KCNA6: variants seen among roughly 807,000 people sequenced by gnomAD.
KCNA6 encodes potassium voltage-gated channel subfamily A member 6.
A neutral mutation model predicts 29.5 loss-of-function variants in KCNA6; 17 were observed. The observed-to-expected ratio is 0.58, with a 90% CI of 0.39 to 0.86. KCNA6 has a LOEUF of 0.86. Ranked by LOEUF, KCNA6 falls within the 40% of genes least tolerant of loss-of-function variation. The probability of loss-of-function intolerance (pLI) is 0.00; values close to 1 mark genes in which losing one functional copy is unlikely to be tolerated. For missense variants in KCNA6, 450 were observed against 703.4 expected (o/e 0.64, Z 4.07); for synonymous variants, 296 against 304.7 (o/e 0.97, Z 0.30).
the KCNA6 span, among the ~76,000 whole-genome samples, chr12:4,819,813 G>A: frequency 1.3e-5 from 2 of 152,198 alleles, no homozygotes; most frequent in Non-Finnish European, 2.9e-5. Context: ...TTTATTAGCT[G>A]TACCTCATTT....
At chr12:4,828,215 C>T in the KCNA6 span, among the ~76,000 whole-genome samples, 2 of 152,060 alleles carry the variant, frequency 1.3e-5, no homozygotes, top group East Asian at 1.9e-4. Context: ...TAGAGACACT[C>T]AGTGTTGGAA....
At chr12:4,821,756 G>A in the KCNA6 span, among the ~76,000 whole-genome samples, 3 of 152,144 alleles carry the variant, frequency 2.0e-5, no homozygotes, top group African/African-American at 7.2e-5. Context: ...GAGGGACAGC[G>A]GCCCCCTGCA....
the KCNA6 span, chr12:4,850,774 A>G: frequency 2.6e-5 from 12 of 453,890 alleles, no homozygotes; most frequent in South Asian, 1.7e-4. The surrounding 1 kb of genome is among the most constrained non-coding windows in gnomAD (Gnocchi z 5.4). Flanking sequence ...AAGGACATCT[A>G]TGCATAGAAT....
Position 4,811,911 on chromosome 12 carries a change from G to A in KCNA6, c.*280G>A. On this transcript the variant is annotated 3_prime_UTR_variant, in exon 1 of 1. Coordinates refer to ENST00000280684, the Ensembl canonical transcript of KCNA6. The surrounding 1 kb of genome is among the most constrained non-coding windows in gnomAD (Gnocchi z 7.1). ...ATGAATGAGATATACATTTATGTCT[G>A]ACCTTCCCTCAAGACTGATTTTTCA... 2.4e-6 allele frequency: 1 copy of A among 420,404 alleles called. No individual in the cohort carries two copies. The highest frequency in any genetic ancestry group is 4.4e-5 in the South Asian group (1 of 22,930). 26.0% of individuals were successfully genotyped at this position (420,404 alleles called of 1,614,324 possible). A position where few individuals can be genotyped will look rare whatever the true frequency, so the allele number is the denominator to read the frequency against.
At chr12:4,814,751 G>A (rs1407833757), downstream of KCNA6, 1 of 167,130 alleles carries the variant, frequency 6.0e-6, no homozygotes, top group Non-Finnish European at 1.5e-5. This position sits in a 1 kb window ranked among gnomAD's most constrained non-coding sequence, Gnocchi z 4.6. Context: ...CCCAAGGAGC[G>A]AGGAGGGACA....
chr12:4,843,266 C>T, the KCNA6 span, among the ~76,000 whole-genome samples: 3 of 151,786 alleles, frequency 2.0e-5, no homozygotes, highest in South Asian at 2.1e-4. Flanking sequence ...CTGCAAGCTC[C>T]GCCTCCCGGG....
the KCNA6 span, among the ~76,000 whole-genome samples, chr12:4,829,764 G>C: frequency 0.14 from 21,458 of 151,870 alleles, 1,632 homozygotes; most frequent in Non-Finnish European, 0.17. Context: ...TCCAGCCCAA[G>C]AAGTTCTGCT....
At chr12:4,827,818 T>G in the KCNA6 span, among the ~76,000 whole-genome samples, 3 of 152,338 alleles carry the variant, frequency 2.0e-5, no homozygotes, top group Non-Finnish European at 2.9e-5. Context: ...TTCATCATTC[T>G]CATCCCTCTC....
At chr12:4,840,197 ATC>A in the KCNA6 span, among the ~76,000 whole-genome samples, 1 of 688 alleles carries the variant, frequency 1.5e-3, no homozygotes, top group Admixed American at 0.019. Context: ...GATGATTATT[ATC>A]TATCTATCTA....
chr12:4,845,816 C>G, the KCNA6 span, among the ~76,000 whole-genome samples: 1 of 151,998 alleles, frequency 6.6e-6, no homozygotes, highest in East Asian at 1.9e-4. Flanking sequence ...CTTATAACAA[C>G]AGTAACAATC....
the KCNA6 span, chr12:4,839,017 C>T: frequency 3.3e-5 from 5 of 152,192 alleles, no homozygotes; most frequent in Non-Finnish European, 5.9e-5. Context: ...AAGATATTCT[C>T]CTGCTCTGAC....
downstream of KCNA6, among the ~76,000 whole-genome samples, chr12:4,817,192 T>A (rs1327863119): frequency 6.6e-6 from 1 of 152,214 alleles, no homozygotes; most frequent in Non-Finnish European, 1.5e-5. Context: ...AGGAAAAGAA[T>A]TCCATTTACT....
chr12:4,810,902 C>A lies in KCNA6; in HGVS notation c.861C>A (p.Ser287Arg). 1 of 1,614,136 alleles carries A rather than the reference C, an allele frequency of 6.2e-7. No individual in the cohort carries two copies. The highest frequency in any genetic ancestry group is 8.5e-7 in the Non-Finnish European group (1 of 1,179,982). Residue 287 changes from serine to arginine, a missense_variant, in exon 1 of 1, where the codon AGC becomes AGA. Transcript: ENST00000280684. The surrounding 1 kb of genome is among the most constrained non-coding windows in gnomAD (Gnocchi z 7.5). ...TGGTGCGCTTCTCCGCCTGCCCTAG[C>A]AAGCCGGCCTTCTTCCGGAACATCA...
In KCNA6 at chr12:4,810,049, C is replaced by T. The variant is rs1243961816; in HGVS notation, c.8C>T (p.Ser3Leu). The T allele has an allele frequency of 6.5e-7, 1 of 1,527,970 alleles. No individual in the cohort carries two copies. The highest frequency in any genetic ancestry group is 1.4e-5 in the African/African-American group (1 of 72,726). 94.7% of individuals were successfully genotyped at this position (1,527,970 alleles called of 1,614,324 possible). Residue 3 changes from serine (S) to leucine (L), a missense_variant, in exon 1 of 1, where the codon TCG becomes TTG. By Grantham distance (145) the Ser-to-Leu change is moderately radical. Transcript: ENST00000280684. This position sits in a 1 kb window ranked among gnomAD's most constrained non-coding sequence, Gnocchi z 7.5. Reference sequence around the variant, plus strand: ...GCGCACCTCCGAGGGGGCATGAGATCGGAGAAATCCCTTACGCTGGCGGCG... The same window carrying T: ...GCGCACCTCCGAGGGGGCATGAGATTGGAGAAATCCCTTACGCTGGCGGCG...
the KCNA6 span, among the ~76,000 whole-genome samples, chr12:4,837,402 G>A: frequency 6.6e-6 from 1 of 152,206 alleles, no homozygotes; most frequent in Non-Finnish European, 1.5e-5. Context: ...GGCAACTCCA[G>A]TGTATAAAAC....
chr12:4,836,394 C>T, the KCNA6 span, among the ~76,000 whole-genome samples: 19 of 152,286 alleles, frequency 1.2e-4, no homozygotes, highest in African/African-American at 3.9e-4. Context: ...ACAAATTCTT[C>T]TTTGGCACTG....
chr12:4,847,577 C>CT, the KCNA6 span, among the ~76,000 whole-genome samples: 1 of 151,850 alleles, frequency 6.6e-6, no homozygotes, highest in Non-Finnish European at 1.5e-5. Context: ...TGGGTGGTTC[C>CT]TTTTTTTAAT....
At chr12:4,834,010 CCTTG>C in the KCNA6 span, among the ~76,000 whole-genome samples, 1 of 150,966 alleles carries the variant, frequency 6.6e-6, no homozygotes, top group South Asian at 2.1e-4. Context: ...CTCTCTGTAG[CCTTG>C]ATGTCTCAGG....
At chr12:4,835,356 G>C in the KCNA6 span, among the ~76,000 whole-genome samples, 429 of 152,088 alleles carry the variant, frequency 2.8e-3, 4 homozygotes, top group Non-Finnish European at 2.6e-3. Context: ...GGATGGTCTC[G>C]ATCTCCTGAC....
Sources: allele counts gnomAD v4.1 joint callset (sites outside exome capture counted in the v4.1 genomes callset), GRCh38; gene constraint gnomAD v4.1.1; non-coding constraint Gnocchi (gnomAD v3.1); transcripts MANE v1.5; gene names NCBI Gene and HGNC (gene_info 2026-07-23, HGNC 2026-07-21).